Variants in PRPF38B observed in about 807,000 individuals in gnomAD.
PRPF38B encodes the protein pre-mRNA processing factor 38B, also known as pre-mRNA-splicing factor 38B.
In PRPF38B, 18 loss-of-function variants were observed where a neutral mutation model predicts 67.2. That is an observed-to-expected ratio of 0.27 (90% CI 0.19 to 0.40). The LOEUF (loss-of-function observed/expected upper bound fraction) is 0.40. Ranked by LOEUF, PRPF38B falls within the 10% of genes least tolerant of loss-of-function variation. PRPF38B has a pLI of 1.00. For synonymous variants in PRPF38B, 246 were observed against 234.2 expected (o/e 1.05, Z -0.46); for missense variants, 544 against 684.9 (o/e 0.79, Z 2.30).
At position 108,698,834 on chromosome 1, in the gene PRPF38B, T is replaced by C. The variant is rs1660143730; in HGVS notation, c.782+7T>C. ...TTGAACGCAGACGTTCAAGGTAATG[T>C]CACTCTTGAATTATGCTTATTTTTC... On this transcript the variant is annotated splice_region_variant and intron_variant, in intron 5 of 5. Coordinates refer to ENST00000370025, the MANE Select transcript of PRPF38B (RefSeq NM_018061.4). 1 of 1,596,442 alleles carries C rather than the reference T, an allele frequency of 6.3e-7. No homozygotes were observed. Among genetic ancestry groups the C allele is most frequent in the Non-Finnish European group, 8.6e-7 (1 of 1,165,088 alleles).
Position 108,700,080 on chromosome 1 carries a change from C to A in PRPF38B, c.*60C>A. 2.0e-6 allele frequency: 3 copies of A among 1,520,822 alleles called. No individual in the cohort carries two copies. Among genetic ancestry groups the A allele is most frequent in the Non-Finnish European group, 2.6e-6 (3 of 1,140,836 alleles). 94.2% of individuals were successfully genotyped at this position (1,520,822 alleles called of 1,614,324 possible). On this transcript the variant is annotated 3_prime_UTR_variant, in exon 6 of 6. Transcript: ENST00000370025. ...ATAAATGATTAAATCTGCTTTTTTC[C>A]CCCACGTTGAGATTGTGCAGTAGTT...
In PRPF38B at chr1:108,692,540, A is replaced by G; in HGVS notation, c.-52A>G. The G allele has an allele frequency of 2.0e-6, 3 of 1,487,288 alleles. No homozygotes were observed. The highest frequency in any genetic ancestry group is 2.7e-6 in the Non-Finnish European group (3 of 1,117,646). The allele number at this position is 1,487,288 out of a possible 1,614,324, so 92.1% of individuals were successfully genotyped here. ...ACCGTTGTCCCGAAGAGCGAGATCG[A>G]GCTTGGCCCCCTCCCCCCCCTCCTT... is the stretch of plus-strand genomic sequence containing the variant. On this transcript the variant is annotated 5_prime_UTR_variant, in exon 1 of 6. Coordinates refer to ENST00000370025, the MANE Select transcript of PRPF38B (RefSeq NM_018061.4).
chr1:108,693,808 C>G (rs922078634), intron 1 of PRPF38B, among the ~76,000 whole-genome samples: 2 of 152,088 alleles, frequency 1.3e-5, no homozygotes, highest in African/African-American at 4.8e-5. Context: ...AAATACCTTC[C>G]AGGCCTCCGA....
chr1:108,700,397 T>G lies in PRPF38B; in HGVS notation c.*377T>G, dbSNP rs58495566. 0.015 allele frequency: 2,576 copies of G among 169,898 alleles called. 78 individuals carry two copies. The highest frequency in any genetic ancestry group is 0.057 in the African/African-American group (2,379 of 41,908). 10.5% of individuals were successfully genotyped at this position (169,898 alleles called of 1,614,324 possible). A position where few individuals can be genotyped will look rare whatever the true frequency, so the allele number is the denominator to read the frequency against. ...GTTTTGTAGGTGTGGGATTATGGTT[T>G]GTGTACTGAAGTTAGCATGGCTGTG... On this transcript the variant is annotated 3_prime_UTR_variant, in exon 6 of 6. Transcript: ENST00000370025.
Position 108,700,494 on chromosome 1 carries a change from C to A in PRPF38B, c.*474C>A, listed in dbSNP as rs1409815642. On this transcript the variant is annotated 3_prime_UTR_variant, in exon 6 of 6. Transcript: ENST00000370025. Reference sequence around the variant, plus strand: ...TCTATTATAGGAGAAGTATGTGCTGCCAATGTACAAGAAGGCAGCATTGTA... The same window carrying A: ...TCTATTATAGGAGAAGTATGTGCTGACAATGTACAAGAAGGCAGCATTGTA... 1 of 154,298 alleles carries A rather than the reference C, an allele frequency of 6.5e-6. No homozygotes were observed. Among genetic ancestry groups the A allele is most frequent in the Admixed American group, 6.4e-5 (1 of 15,576 alleles). The allele number at this position is 154,298 out of a possible 1,614,324, so 9.6% of individuals were successfully genotyped here. A position where few individuals can be genotyped will look rare whatever the true frequency, so the allele number is the denominator to read the frequency against.
intron 4 of PRPF38B, chr1:108,697,501 A>G (rs905608307): frequency 1.1e-4 from 17 of 151,932 alleles, no homozygotes; most frequent in African/African-American, 3.6e-4. Flanking sequence ...AAAAAAAAAA[A>G]AAATCTCATT....
Position 108,701,752 on chromosome 1 carries a change from A to T in PRPF38B, c.*1732A>T, listed in dbSNP as rs954818693. ...AGAGTCCTCCATATGTGGGCTTAAC[A>T]TATGTACCACTCCATTTTAGAAAAA... On this transcript the variant is annotated 3_prime_UTR_variant, in exon 6 of 6. Transcript: ENST00000370025. The T allele has an allele frequency of 6.6e-6, 1 of 152,246 alleles. No individual in the cohort carries two copies. The highest frequency in any genetic ancestry group is 2.4e-5 in the African/African-American group (1 of 41,464). 9.4% of individuals were successfully genotyped at this position (152,246 alleles called of 1,614,324 possible). A position where few individuals can be genotyped will look rare whatever the true frequency, so the allele number is the denominator to read the frequency against.
intron 1 of PRPF38B, among the ~76,000 whole-genome samples, chr1:108,694,973 A>G (rs1223293191): frequency 6.6e-6 from 1 of 152,176 alleles, no homozygotes; most frequent in African/African-American, 2.4e-5. Flanking sequence ...TTTTGACACA[A>G]TTTATATTCT....
At chr1:108,697,659 T>G (rs1475221978) in intron 4 of PRPF38B, 1 of 152,194 alleles carries the variant, frequency 6.6e-6, no homozygotes, top group African/African-American at 2.4e-5. Flanking sequence ...CAGACTGAAG[T>G]GCTTCTCCCT....
chr1:108,695,851 T>C, intron 2 of PRPF38B, 81 bp downstream of exon 2: 1 of 1,483,358 alleles, frequency 6.7e-7, no homozygotes, highest in Non-Finnish European at 9.2e-7. Flanking sequence ...GGCCTGTCAA[T>C]TATACACTTG....
At position 108,698,668 on chromosome 1, in the gene PRPF38B, T is replaced by C; in HGVS notation, c.623T>C (p.Leu208Pro). The C allele has an allele frequency of 6.2e-7, 1 of 1,614,116 alleles. No individual in the cohort carries two copies. The highest frequency in any genetic ancestry group is 8.5e-7 in the Non-Finnish European group (1 of 1,179,996). The change falls in exon 5 of 6, where the codon CTC (leucine) becomes CCC (proline). Residue 208 changes from leucine to proline, a missense_variant. This residue lies in a region of PRPF38B where 57 missense variants were observed against 122.7 expected (regional missense o/e 0.46). Coordinates refer to ENST00000370025, the MANE Select transcript of PRPF38B (RefSeq NM_018061.4). Reference sequence around the variant, plus strand: ...ATTGGAGAAATGCTACGATCTTTTCTCACAAAACTGGAGTGGTTTTCTACC... The same window carrying C: ...ATTGGAGAAATGCTACGATCTTTTCCCACAAAACTGGAGTGGTTTTCTACC... ...MTIGEMLRSF[L>P]TKLEWFSTLF...
In PRPF38B at chr1:108,699,427, A is replaced by G; in HGVS notation, c.1048A>G (p.Arg350Gly). ...SRSRDRKGDRRDRDREREKEN... is the reference protein window; with the variant it reads ...SRSRDRKGDRGDRDREREKEN... ...AAGTCGTGATAGGAAAGGGGATAGA[A>G]GGGACAGGGATCGAGAAAGAGAGAA... The change falls in exon 6 of 6, where the codon AGG (arginine) becomes GGG (glycine). Residue 350 changes from arginine to glycine, a missense_variant. By Grantham distance (125) the Arg-to-Gly change is moderately radical. This residue lies in a region of PRPF38B where 387 missense variants were observed against 386.1 expected (regional missense o/e 1.00). Coordinates refer to ENST00000370025, the MANE Select transcript of PRPF38B (RefSeq NM_018061.4). 6.2e-7 allele frequency: 1 copy of G among 1,614,154 alleles called. No homozygotes were observed. Among genetic ancestry groups the G allele is most frequent in the Non-Finnish European group, 8.5e-7 (1 of 1,180,026 alleles).
chr1:108,700,925 A>G lies in PRPF38B; in HGVS notation c.*905A>G, dbSNP rs183380400. The G allele has an allele frequency of 7.2e-5, 11 of 152,498 alleles. No individual in the cohort carries two copies. The highest frequency in any genetic ancestry group is 2.6e-4 in the African/African-American group (11 of 41,584). The allele number at this position is 152,498 out of a possible 1,614,324, so 9.4% of individuals were successfully genotyped here. A position where few individuals can be genotyped will look rare whatever the true frequency, so the allele number is the denominator to read the frequency against. On this transcript the variant is annotated 3_prime_UTR_variant, in exon 6 of 6. Coordinates refer to ENST00000370025, the MANE Select transcript of PRPF38B (RefSeq NM_018061.4). ...GATTCAAGCCTCAAGCTTCCAAAGC[A>G]TTTTTATAAATGGAAAATCCTTAAA... is the stretch of plus-strand genomic sequence containing the variant.
At chr1:108,696,858 A>G (rs1157033258) in intron 4 of PRPF38B, 1 of 652,970 alleles carries the variant, frequency 1.5e-6, no homozygotes, top group Non-Finnish European at 2.8e-6. Flanking sequence ...TCAAGGTGAC[A>G]AAATTTTAAT....
In PRPF38B at chr1:108,692,572, C is replaced by G; in HGVS notation, c.-20C>G. 1 of 1,540,630 alleles carries G rather than the reference C, an allele frequency of 6.5e-7. No individual in the cohort carries two copies. On this transcript the variant is annotated 5_prime_UTR_variant, in exon 1 of 6. Transcript: ENST00000370025. The stretch of plus-strand genomic sequence containing the variant: ...CCCCCTCCCCCCCCTCCTTCCCTCC[C>G]TCCTTCCTTCCGCCGCAACATGGCT...
chr1:108,702,075 A>G lies in PRPF38B; in HGVS notation c.*2055A>G, dbSNP rs1000824164. On this transcript the variant is annotated 3_prime_UTR_variant, in exon 6 of 6. Transcript: ENST00000370025. The stretch of plus-strand genomic sequence containing the variant: ...TTCACATGGAGGTGAAAGAACTATC[A>G]CCTCGATTGACAGTTCGATGATCGT... 6.6e-6 allele frequency among the ~76,000 whole-genome samples: 1 copy of G among 152,166 alleles called. No homozygotes were observed. Among genetic ancestry groups the G allele is most frequent in the Non-Finnish European group, 1.5e-5 (1 of 68,020 alleles).
chr1:108,694,827 T>G (rs1659702136), intron 1 of PRPF38B, among the ~76,000 whole-genome samples: 1 of 152,164 alleles, frequency 6.6e-6, no homozygotes, highest in Admixed American at 6.5e-5. Context: ...GAGTTAATAT[T>G]CTTTTGTTGT....
rs1175871779 is a variant in PRPF38B, at chr1:108,700,792, T to G, written c.*772T>G. 3.9e-5 allele frequency: 6 copies of G among 152,596 alleles called. No homozygotes were observed. The highest frequency in any genetic ancestry group is 1.4e-4 in the African/African-American group (6 of 41,446). 9.5% of individuals were successfully genotyped at this position (152,596 alleles called of 1,614,324 possible). A position where few individuals can be genotyped will look rare whatever the true frequency, so the allele number is the denominator to read the frequency against. ...TTTTCTTGAATTCTTTCTCAGATTT[T>G]AAAGTACTATATTAAAGAAAAAAAT... On this transcript the variant is annotated 3_prime_UTR_variant, in exon 6 of 6. Transcript: ENST00000370025.
At chr1:108,696,498 C>T (rs778084214) in intron 4 of PRPF38B, 161 bp downstream of exon 4, 7 of 647,218 alleles carry the variant, frequency 1.1e-5, no homozygotes, top group Non-Finnish European at 1.9e-5. Flanking sequence ...GACCTGATGG[C>T]TTTTATGTAT....
Sources: gnomAD v4.1 joint callset for allele counts (sites outside exome capture counted in the v4.1 genomes callset) on GRCh38, gnomAD v4.1.1 for gene constraint, gnomAD v4.1.1 regional missense constraint, MANE v1.5 for transcripts, NCBI Gene and HGNC (gene_info 2026-07-23, HGNC 2026-07-21) for gene names.